ASTN1: variants seen among roughly 807,000 people sequenced by gnomAD.
ASTN1 encodes astrotactin-1.
In ASTN1, 41 loss-of-function variants were observed where a neutral mutation model predicts 140.7. That is an observed-to-expected ratio of 0.29 (90% confidence interval 0.23 to 0.38). The LOEUF (loss-of-function observed/expected upper bound fraction) is 0.38, where lower values mean the gene tolerates loss of function less well. Among genes scored for constraint, ASTN1 ranks in the 10% least tolerant of loss-of-function variants. ASTN1 has a pLI of 1.00. For synonymous variants in ASTN1, 640 were observed against 652.2 expected (o/e 0.98, Z 0.29); for missense variants, 1,479 against 1,678.8 (o/e 0.88, Z 2.08).
intron 8 of ASTN1, among the ~76,000 whole-genome samples, chr1:176,966,708 ATATAT>A: frequency 6.6e-6 from 1 of 152,026 alleles, no homozygotes; most frequent in African/African-American, 2.4e-5. Context: ...ATATTATATT[ATATAT>A]TATATTATGG....
chr1:176,874,710 T>C (rs1408173412), intron 21 of ASTN1, among the ~76,000 whole-genome samples: 1 of 152,332 alleles, frequency 6.6e-6, no homozygotes, highest in East Asian at 1.9e-4. Context: ...AATATTATTA[T>C]ATGCCAGGCA....
At chr1:177,057,358 G>T (rs1677858841) in intron 2 of ASTN1, among the ~76,000 whole-genome samples, 1 of 152,112 alleles carries the variant, frequency 6.6e-6, no homozygotes, top group African/African-American at 2.4e-5. Context: ...AATGCCATAA[G>T]GGTCCAAAAA....
intron 16 of ASTN1, among the ~76,000 whole-genome samples, chr1:176,902,482 A>T (rs1669810996): frequency 1.3e-5 from 2 of 152,228 alleles, no homozygotes; most frequent in Non-Finnish European, 2.9e-5. Flanking sequence ...GTTGTCAAAC[A>T]AATAACGGTC....
intron 1 of ASTN1, among the ~76,000 whole-genome samples, chr1:177,114,982 C>T (rs879595679): frequency 6.6e-6 from 1 of 151,268 alleles, no homozygotes; most frequent in Admixed American, 6.6e-5. Flanking sequence ...AGGAAGAGCG[C>T]AGAGAGCAGA....
intron 16 of ASTN1, among the ~76,000 whole-genome samples, chr1:176,904,616 A>G (rs552001657): frequency 6.6e-5 from 10 of 152,304 alleles, no homozygotes; most frequent in East Asian, 1.9e-4. Flanking sequence ...CCTCCCGTGC[A>G]CTTGTCTGGA....
chr1:176,907,522 T>C (rs1670053076), intron 16 of ASTN1, among the ~76,000 whole-genome samples: 2 of 152,230 alleles, frequency 1.3e-5, no homozygotes, highest in South Asian at 4.1e-4. Flanking sequence ...GCACTTTGCT[T>C]CTTGAATTTT....
At chr1:176,979,163 C>A (rs936208025) in intron 8 of ASTN1, among the ~76,000 whole-genome samples, 10 of 152,306 alleles carry the variant, frequency 6.6e-5, no homozygotes, top group African/African-American at 2.4e-4. Flanking sequence ...ATAGGGGGAT[C>A]ATGGAACTTC....
chr1:176,928,932 G>A (rs574080658), intron 16 of ASTN1, among the ~76,000 whole-genome samples: 32 of 152,324 alleles, frequency 2.1e-4, no homozygotes, highest in African/African-American at 7.7e-4. Flanking sequence ...TGGAGGACAA[G>A]AGAAGCATTC....
chr1:177,018,119 A>G (rs1227735316), intron 7 of ASTN1, among the ~76,000 whole-genome samples: 1 of 141,336 alleles, frequency 7.1e-6, no homozygotes, highest in Non-Finnish European at 1.5e-5. Flanking sequence ...TAATTGTTTG[A>G]TCTCCCTTCC....
chr1:177,098,115 T>G lies in ASTN1; in HGVS notation c.284-36850A>C, dbSNP rs540025801. On this transcript the variant is annotated intron_variant, in intron 1 of 22. Coordinates refer to ENST00000361833, the MANE Select transcript of ASTN1 (RefSeq NM_004319.3). ...AGAGGGTTGTGGGAAATCTTCCCAC[T>G]CTCAAATTTACAGGCATTTGGTCAG... 3.5e-4 allele frequency among the ~76,000 whole-genome samples: 54 copies of G among 152,328 alleles called. 1 individual carries two copies. Among genetic ancestry groups the G allele is most frequent in the African/African-American group, 1.2e-3 (50 of 41,586 alleles).
chr1:177,159,045 C>T (rs1176331050), intron 1 of ASTN1, among the ~76,000 whole-genome samples: 2 of 100,156 alleles, frequency 2.0e-5, no homozygotes, highest in East Asian at 5.5e-4. Flanking sequence ...CCAGCCTGGG[C>T]AACAAAGCGA....
chr1:177,075,460 C>G (rs1678848460), intron 1 of ASTN1, among the ~76,000 whole-genome samples: 1 of 150,010 alleles, frequency 6.7e-6, no homozygotes, highest in Non-Finnish European at 1.5e-5. Flanking sequence ...GCTTTGCTTT[C>G]TTTGCTGGAG....
intron 8 of ASTN1, among the ~76,000 whole-genome samples, chr1:176,972,886 A>T (rs1027263933): frequency 2.6e-5 from 4 of 152,078 alleles, no homozygotes; most frequent in African/African-American, 9.7e-5. Context: ...TATCTCTGTG[A>T]CCTTGGATAA....
intron 16 of ASTN1, among the ~76,000 whole-genome samples, chr1:176,911,774 T>C (rs1670252254): frequency 6.6e-6 from 1 of 152,216 alleles, no homozygotes; most frequent in Non-Finnish European, 1.5e-5. Context: ...TCTAAAATAA[T>C]GATAAAAAGC....
chr1:177,050,173 T>C (rs1001224005), intron 2 of ASTN1, among the ~76,000 whole-genome samples: 1 of 152,174 alleles, frequency 6.6e-6, no homozygotes, highest in African/African-American at 2.4e-5. Context: ...TTCCCACTTC[T>C]TCCTCAGACA....
intron 16 of ASTN1, among the ~76,000 whole-genome samples, chr1:176,905,756 C>A (rs977679201): frequency 6.6e-5 from 10 of 152,170 alleles, no homozygotes; most frequent in Non-Finnish European, 1.2e-4. Context: ...CTTTTCACCT[C>A]TCGGTGACCT....
intron 5 of ASTN1, among the ~76,000 whole-genome samples, chr1:177,028,736 C>A (rs1002484189): frequency 6.6e-6 from 1 of 152,192 alleles, no homozygotes; most frequent in African/African-American, 2.4e-5. Flanking sequence ...ATAGGGATTT[C>A]ATAGTGCTTT....
intron 1 of ASTN1, among the ~76,000 whole-genome samples, chr1:177,135,953 G>A (rs1270292199): frequency 6.6e-6 from 1 of 152,082 alleles, no homozygotes; most frequent in Non-Finnish European, 1.5e-5. Context: ...TTTTATCACA[G>A]GTTTATAGAG....
At chr1:176,858,307 TATA>T (rs1367749893), downstream of ASTN1, among the ~76,000 whole-genome samples, 1 of 152,228 alleles carries the variant, frequency 6.6e-6, no homozygotes, top group Non-Finnish European at 1.5e-5. Context: ...AATTTTATTA[TATA>T]ATGTTGAGGT....
Sources: gnomAD v4.1 joint callset for allele counts (sites outside exome capture counted in the v4.1 genomes callset) on GRCh38, gnomAD v4.1.1 for gene constraint, MANE v1.5 for transcripts, NCBI Gene and HGNC (gene_info 2026-07-23, HGNC 2026-07-21) for gene names.